The following FRMD6 variants were observed in gnomAD, a reference collection of about 807,000 sequenced individuals.
The protein encoded by FRMD6 is FERM domain-containing protein 6.
FRMD6 carries 37 observed loss-of-function variants against 73.2 expected under a neutral mutation model. The ratio of observed to expected loss-of-function variants is 0.51; its 90% confidence interval spans 0.39 to 0.66. The LOEUF (loss-of-function observed/expected upper bound fraction) is 0.66. FRMD6 is among the 30% of genes least tolerant of loss of function. The probability of loss-of-function intolerance (pLI) is 0.00; values close to 1 mark genes in which losing one functional copy is unlikely to be tolerated. For synonymous variants in FRMD6, 273 were observed against 282.2 expected, an observed-to-expected ratio of 0.97 and a Z score of 0.33; for missense variants, 714 against 780.5, an observed-to-expected ratio of 0.91 and a Z score of 1.02.
At chr14:51,464,118 A>G in the FRMD6 span, among the ~76,000 whole-genome samples, 1 of 152,238 alleles carries the variant, frequency 6.6e-6, no homozygotes, top group African/African-American at 2.4e-5. Flanking sequence ...CTGAGGTTTT[A>G]AAGAGTGCAG....
intron 10 of FRMD6, 124 bp downstream of exon 10, chr14:51,715,623 G>A (rs767897956): frequency 2.0e-5 from 14 of 694,022 alleles, no homozygotes; most frequent in Non-Finnish European, 3.2e-5. Flanking sequence ...CAGATTGAGA[G>A]CAGCATTACT....
At chr14:51,437,274 C>T in the FRMD6 span, among the ~76,000 whole-genome samples, 1 of 152,096 alleles carries the variant, frequency 6.6e-6, no homozygotes, top group African/African-American at 2.4e-5. Flanking sequence ...CTGAGAATGA[C>T]GGTTTCCAAC....
chr14:51,635,562 C>T (rs1491002615), intron 2 of FRMD6, among the ~76,000 whole-genome samples: 1 of 152,106 alleles, frequency 6.6e-6, no homozygotes, highest in African/African-American at 2.4e-5. Context: ...ATTTTAAGTG[C>T]TCTCATTTAG....
At chr14:51,618,661 C>T (rs1246511542) in intron 2 of FRMD6, among the ~76,000 whole-genome samples, 1 of 152,004 alleles carries the variant, frequency 6.6e-6, no homozygotes, top group African/African-American at 2.4e-5. Flanking sequence ...AGAATGACTC[C>T]CAGTTTTCCA....
At chr14:51,446,930 G>A in the FRMD6 span, among the ~76,000 whole-genome samples, 2 of 152,166 alleles carry the variant, frequency 1.3e-5, no homozygotes, top group Non-Finnish European at 2.9e-5. Context: ...CTAGGTCCTG[G>A]GAGAGCTTGG....
chr14:51,417,946 C>G, the FRMD6 span, among the ~76,000 whole-genome samples: 1 of 152,258 alleles, frequency 6.6e-6, no homozygotes, highest in Middle Eastern at 3.4e-3. Context: ...ATTGAATCAG[C>G]TGTTGAAGCT....
intron 2 of FRMD6, among the ~76,000 whole-genome samples, chr14:51,580,769 G>A (rs531888971): frequency 6.6e-5 from 10 of 152,230 alleles, no homozygotes; most frequent in Non-Finnish European, 1.3e-4. Context: ...ATTTCTCAAC[G>A]TGTTGCACTT....
intron 1 of FRMD6, among the ~76,000 whole-genome samples, chr14:51,503,352 T>G (rs1189338897): frequency 1.3e-5 from 2 of 152,184 alleles, no homozygotes; most frequent in Non-Finnish European, 2.9e-5. Flanking sequence ...ATGGCTCTTA[T>G]TATTTTGAGG....
At chr14:51,461,275 C>T in the FRMD6 span, among the ~76,000 whole-genome samples, 1 of 152,162 alleles carries the variant, frequency 6.6e-6, no homozygotes, top group African/African-American at 2.4e-5. Flanking sequence ...GGTACTTGAC[C>T]ATTGAACTTG....
At chr14:51,702,814 G>A (rs1275178845) in intron 5 of FRMD6, among the ~76,000 whole-genome samples, 1 of 151,974 alleles carries the variant, frequency 6.6e-6, no homozygotes, top group East Asian at 1.9e-4. Context: ...ATGAAAGAAT[G>A]TTAGACTGTT....
intron 12 of FRMD6, among the ~76,000 whole-genome samples, chr14:51,722,458 C>A (rs1370662012): frequency 6.6e-6 from 1 of 152,106 alleles, no homozygotes; most frequent in Admixed American, 6.5e-5. Context: ...AGGACAAATC[C>A]AACATGGCTA....
intron 1 of FRMD6, among the ~76,000 whole-genome samples, chr14:51,683,790 T>C (rs545973217): frequency 9.9e-5 from 15 of 152,258 alleles, no homozygotes; most frequent in African/African-American, 3.6e-4. Context: ...AAGATCCAGA[T>C]TTGACTGATT....
chr14:51,469,188 C>T, the FRMD6 span, among the ~76,000 whole-genome samples: 19 of 152,096 alleles, frequency 1.2e-4, no homozygotes, highest in African/African-American at 4.6e-4. Flanking sequence ...GATCCGCCGC[C>T]TAGGCCTCCC....
At chr14:51,507,127 C>T (rs1376724454) in intron 1 of FRMD6, among the ~76,000 whole-genome samples, 1 of 135,424 alleles carries the variant, frequency 7.4e-6, no homozygotes, top group Non-Finnish European at 1.5e-5. Flanking sequence ...CACACACACA[C>T]ACACACACAC....
upstream of FRMD6, among the ~76,000 whole-genome samples, chr14:51,648,346 T>C (rs892471337): frequency 2.0e-5 from 3 of 152,206 alleles, no homozygotes; most frequent in African/African-American, 7.2e-5. Context: ...ATGGCCATCA[T>C]GCTTTAAAAG....
intron 1 of FRMD6, among the ~76,000 whole-genome samples, chr14:51,539,838 G>T (rs762259667): frequency 6.6e-6 from 1 of 152,146 alleles, no homozygotes; most frequent in Non-Finnish European, 1.5e-5. Context: ...ACTTATGAGG[G>T]TGGGGGGAGT....
chr14:51,499,157 A>G (rs1352902629), intron 1 of FRMD6, among the ~76,000 whole-genome samples: 1 of 152,208 alleles, frequency 6.6e-6, no homozygotes, highest in Non-Finnish European at 1.5e-5. Context: ...GATAACGTTC[A>G]ATAAACACAT....
chr14:51,594,771 A>G (rs998020579), intron 2 of FRMD6, among the ~76,000 whole-genome samples: 2 of 152,174 alleles, frequency 1.3e-5, no homozygotes, highest in Non-Finnish European at 1.5e-5. Context: ...CCATGAGTAC[A>G]TGGGTTAACC....
At chr14:51,498,766 G>A (rs1057448922) in intron 1 of FRMD6, among the ~76,000 whole-genome samples, 14 of 152,118 alleles carry the variant, frequency 9.2e-5, no homozygotes, top group African/African-American at 2.9e-4. Context: ...GACGAAACCC[G>A]GCATCGCATG....
Sources: gnomAD v4.1 joint callset for allele counts (sites outside exome capture counted in the v4.1 genomes callset) on GRCh38, gnomAD v4.1.1 for gene constraint, MANE v1.5 for transcripts, NCBI Gene and HGNC (gene_info 2026-07-23, HGNC 2026-07-21) for gene names.